The following C4orf51 variants were observed in gnomAD, a reference collection of about 807,000 sequenced individuals.
C4orf51 encodes uncharacterized protein C4orf51.
Under a neutral mutation model 25.2 loss-of-function variants are expected in C4orf51, and 25 were observed. That is an observed-to-expected ratio of 0.99 (90% CI 0.72 to 1.39). The LOEUF (loss-of-function observed/expected upper bound fraction) is 1.39. C4orf51 is among the 40% of genes most tolerant of loss of function. C4orf51 has a pLI of 0.00. For synonymous variants in C4orf51, 100 were observed against 84.5 expected (o/e 1.18, Z -1.01); for missense variants, 252 against 239.6 (o/e 1.05, Z -0.34).
intron 2 of C4orf51, among the ~76,000 whole-genome samples, chr4:145,705,620 T>C (rs570447510): frequency 2.6e-5 from 4 of 152,056 alleles, no homozygotes; most frequent in Non-Finnish European, 4.4e-5. Context: ...ATTCCATGAG[T>C]TGGTGAAAGC....
rs1439113458 is a variant in C4orf51, at chr4:145,761,304, G to A, written n.167-9684G>A. ...GGGCGTGCTTCAGCTTCTTGTGCAGGTTGAGATTGTCCTTGCGCTTGCAGC... is the reference window on the plus strand; with the variant it reads ...GGGCGTGCTTCAGCTTCTTGTGCAGATTGAGATTGTCCTTGCGCTTGCAGC... On this transcript the variant is annotated intron_variant and non_coding_transcript_variant, in intron 1 of 1. Coordinates refer to the C4orf51 transcript ENST00000510096. This position sits in a 1 kb window ranked among gnomAD's most constrained non-coding sequence, Gnocchi z 6.8. The A allele has an allele frequency of 2.3e-6, 3 of 1,289,946 alleles. No individual in the cohort carries two copies. The highest frequency in any genetic ancestry group is 3.0e-6 in the Non-Finnish European group (3 of 988,902). 79.9% of individuals were successfully genotyped at this position (1,289,946 alleles called of 1,614,324 possible). A position where few individuals can be genotyped will look rare whatever the true frequency, so the allele number is the denominator to read the frequency against.
chr4:145,701,025 T>G (rs192472126), intron 2 of C4orf51, among the ~76,000 whole-genome samples: 1 of 152,230 alleles, frequency 6.6e-6, no homozygotes, highest in East Asian at 1.9e-4. Flanking sequence ...CTCTTTTTCA[T>G]CAGATATAAA....
intron 1 of C4orf51, among the ~76,000 whole-genome samples, chr4:145,752,443 G>A (rs987204999): frequency 3.3e-5 from 5 of 152,164 alleles, no homozygotes; most frequent in African/African-American, 1.2e-4. Context: ...AGAAACGTCC[G>A]TGAGCTAGGG....
intron 2 of C4orf51, among the ~76,000 whole-genome samples, chr4:145,712,166 CACA>C (rs1297035712): frequency 2.0e-5 from 3 of 152,166 alleles, no homozygotes; most frequent in Non-Finnish European, 4.4e-5. Flanking sequence ...TTCCCTAAGA[CACA>C]ACAATATTGA....
intron 2 of C4orf51, among the ~76,000 whole-genome samples, chr4:145,715,544 C>T (rs1439701982): frequency 6.6e-6 from 1 of 152,146 alleles, no homozygotes; most frequent in African/African-American, 2.4e-5. Flanking sequence ...TTCTTACCCT[C>T]TTCAATGCAT....
chr4:145,717,329 T>C (rs1731474961), intron 2 of C4orf51, among the ~76,000 whole-genome samples: 1 of 152,220 alleles, frequency 6.6e-6, no homozygotes, highest in Non-Finnish European at 1.5e-5. Context: ...GTGAATATAC[T>C]CATAATGACT....
rs757418108 is a variant in C4orf51, at chr4:145,680,345, T to C, written c.142T>C (p.Tyr48His). The C allele has an allele frequency of 6.2e-6, 10 of 1,613,976 alleles. No homozygotes were observed. Among genetic ancestry groups the C allele is most frequent in the Non-Finnish European group, 6.8e-6 (8 of 1,179,864 alleles). ...ATGGTCAGATTCTTCCGTGACAACA[T>C]ACACAGGCAGTTACCGGAAAAAACA... Reference protein sequence around the residue: ...TRWSDSSVTTYTGSYRKKQLD... With the variant: ...TRWSDSSVTTHTGSYRKKQLD... The change falls in exon 1 of 6, where the codon TAC becomes CAC. Residue 48 changes from tyrosine (Y) to histidine (H), a missense_variant. Physicochemically the swap from Tyr to His is moderately conservative, Grantham distance 83. Transcript: ENST00000438731.
intron 2 of C4orf51, among the ~76,000 whole-genome samples, chr4:145,719,971 G>T: frequency 6.6e-6 from 1 of 152,240 alleles, no homozygotes; most frequent in African/African-American, 2.4e-5. Flanking sequence ...TTAGCAATGT[G>T]AGTATCTCGT....
Position 145,762,432 on chromosome 4 carries a change from T to A in C4orf51, n.167-8556T>A, listed in dbSNP as rs1734677007. On this transcript the variant is annotated intron_variant and non_coding_transcript_variant, in intron 1 of 1. Transcript: ENST00000510096. The surrounding 1 kb of genome is among the most constrained non-coding windows in gnomAD (Gnocchi z 4.9). ...ATAATAATCCAACTGGATTGGAAAT[T>A]CTCAGAGGGCAGGACCATATCTTAC... Among the ~76,000 whole-genome samples the A allele has an allele frequency of 6.6e-6, 1 of 152,198 alleles. No homozygotes were observed. The highest frequency in any genetic ancestry group is 2.4e-5 in the African/African-American group (1 of 41,446).
chr4:145,749,720 A>G (rs1021387137), intron 1 of C4orf51, among the ~76,000 whole-genome samples: 6 of 151,912 alleles, frequency 3.9e-5, no homozygotes, highest in Non-Finnish European at 7.4e-5. Context: ...TGCAACCTCC[A>G]ACTCCCGGGT....
At chr4:145,683,289 T>C (rs1728944503) in intron 1 of C4orf51, among the ~76,000 whole-genome samples, 2 of 152,294 alleles carry the variant, frequency 1.3e-5, no homozygotes, top group Middle Eastern at 3.4e-3. Context: ...TCCATGTCCA[T>C]GGATAGGAAG....
intron 1 of C4orf51, among the ~76,000 whole-genome samples, chr4:145,744,031 C>T (rs1216502610): frequency 1.3e-5 from 2 of 152,198 alleles, no homozygotes; most frequent in African/African-American, 2.4e-5. Flanking sequence ...CTCAAACACG[C>T]ATTTCTTCTA....
intron 2 of C4orf51, among the ~76,000 whole-genome samples, chr4:145,722,148 C>A (rs1731775382): frequency 6.6e-6 from 1 of 152,126 alleles, no homozygotes; most frequent in Non-Finnish European, 1.5e-5. Flanking sequence ...ATTAAAAATT[C>A]TTTTAAAGAA....
chr4:145,692,969 T>G (rs1361459559), intron 1 of C4orf51, among the ~76,000 whole-genome samples: 3 of 130,114 alleles, frequency 2.3e-5, no homozygotes, highest in Non-Finnish European at 3.3e-5. Context: ...TTTTTTTTTT[T>G]TTTTTTTTTT....
intron 1 of C4orf51, among the ~76,000 whole-genome samples, chr4:145,742,690 C>T (rs1261783724): frequency 6.6e-6 from 1 of 152,090 alleles, no homozygotes; most frequent in Non-Finnish European, 1.5e-5. Flanking sequence ...CAGGCGCCCG[C>T]CACCACGCCC....
downstream of C4orf51, among the ~76,000 whole-genome samples, chr4:145,774,908 T>C (rs573063697): frequency 3.3e-5 from 5 of 152,362 alleles, no homozygotes; most frequent in Admixed American, 2.6e-4. Context: ...ATATGTGTTA[T>C]AATGATGCTA....
intron 2 of C4orf51, among the ~76,000 whole-genome samples, chr4:145,714,071 C>T (rs2050059763): frequency 6.6e-6 from 1 of 152,334 alleles, no homozygotes; most frequent in East Asian, 1.9e-4. Context: ...GCGTGATCTA[C>T]TGCACCTGGC....
rs1734565333 is a variant in C4orf51, at chr4:145,761,870, C to T, written n.167-9118C>T. ...CCGATACAGGCAAGGCCAGCCCTCA[C>T]CAAGGGGAGCAGAGAAAGTGCCAGG... is the stretch of plus-strand genomic sequence containing the variant. On this transcript the variant is annotated intron_variant and non_coding_transcript_variant, in intron 1 of 1. Transcript: ENST00000510096. This position sits in a 1 kb window ranked among gnomAD's most constrained non-coding sequence, Gnocchi z 6.8. 6.6e-6 allele frequency among the ~76,000 whole-genome samples: 1 copy of T among 152,196 alleles called. No individual in the cohort carries two copies. The highest frequency in any genetic ancestry group is 1.5e-5 in the Non-Finnish European group (1 of 68,034).
At position 145,680,215 on chromosome 4, in the gene C4orf51, C is replaced by T. The variant is rs763768595; in HGVS notation, c.12C>T (p.Tyr4=). Residue 4 remains tyrosine (Y), a synonymous_variant, in exon 1 of 6, where the codon TAC becomes TAT. Transcript: ENST00000438731. ...GGCCGTTCGTAGTTATGTCACACTA[C>T]TTCTACTTGACTCCACAAATTCTTC... is the stretch of plus-strand genomic sequence containing the variant. MSH[Y]FYLTPQILLP... The T allele has an allele frequency of 6.2e-7, 1 of 1,612,688 alleles. No homozygotes were observed. Among genetic ancestry groups the T allele is most frequent in the African/African-American group, 1.3e-5 (1 of 74,902 alleles).
Sources: allele counts gnomAD v4.1 joint callset (sites outside exome capture counted in the v4.1 genomes callset), GRCh38; gene constraint gnomAD v4.1.1; non-coding constraint Gnocchi (gnomAD v3.1); transcripts MANE v1.5; gene names NCBI Gene and HGNC (gene_info 2026-07-23, HGNC 2026-07-21).